Variants in ROBO2 observed in about 807,000 individuals in gnomAD.
ROBO2 encodes roundabout guidance receptor 2, also known as roundabout homolog 2.
Under a neutral mutation model 160.8 loss-of-function variants are expected in ROBO2, and 53 were observed. The ratio of observed to expected loss-of-function variants is 0.33; its 90% CI spans 0.26 to 0.41. The LOEUF (loss-of-function observed/expected upper bound fraction) is 0.41, where lower values mean the gene tolerates loss of function less well. Ranked by LOEUF, ROBO2 falls within the 10% of genes least tolerant of loss-of-function variation. The pLI is 1.00. For synonymous variants in ROBO2, 664 were observed against 611.7 expected (o/e 1.09, Z -1.26); for missense variants, 1,577 against 1,722.4 (o/e 0.92, Z 1.49).
At chr3:76,840,527 T>G (rs1576978620) in intron 2 of ROBO2, among the ~76,000 whole-genome samples, 1 of 151,226 alleles carries the variant, frequency 6.6e-6, no homozygotes, top group Non-Finnish European at 1.5e-5. Context: ...GGAGAATCGC[T>G]TGAACCCAGA....
At chr3:77,366,707 T>G (rs2153473291) in intron 2 of ROBO2, among the ~76,000 whole-genome samples, 1 of 152,082 alleles carries the variant, frequency 6.6e-6, no homozygotes, top group East Asian at 1.9e-4. Context: ...CTGCTTCCAC[T>G]TATGGCAGAA....
At chr3:76,427,312 A>G (rs2076261305) in intron 2 of ROBO2, among the ~76,000 whole-genome samples, 1 of 152,066 alleles carries the variant, frequency 6.6e-6, no homozygotes, top group Admixed American at 6.6e-5. Flanking sequence ...GACCATAGGA[A>G]GTGGGGGAAG....
intron 2 of ROBO2, among the ~76,000 whole-genome samples, chr3:77,193,296 G>C (rs1414796649): frequency 6.6e-6 from 1 of 151,716 alleles, no homozygotes; most frequent in African/African-American, 2.4e-5. Context: ...AAAATTTAGA[G>C]ATAAGGTCTT....
intron 2 of ROBO2, among the ~76,000 whole-genome samples, chr3:76,064,478 C>T (rs568337767): frequency 2.6e-5 from 4 of 152,082 alleles, no homozygotes; most frequent in African/African-American, 9.7e-5. Flanking sequence ...GTTCCACTCT[C>T]ATTAGAGAAT....
chr3:76,334,799 G>A (rs2073751946), intron 2 of ROBO2, among the ~76,000 whole-genome samples: 1 of 152,134 alleles, frequency 6.6e-6, no homozygotes, highest in Admixed American at 6.5e-5. Context: ...AGCAGACCTG[G>A]TAATCCTTTG....
At chr3:76,623,500 C>T (rs1211328409) in intron 2 of ROBO2, among the ~76,000 whole-genome samples, 2 of 152,136 alleles carry the variant, frequency 1.3e-5, no homozygotes, top group African/African-American at 4.8e-5. Flanking sequence ...GGACCAAGTC[C>T]TTAAGTATTT....
At chr3:77,075,672 CTTTTTTTTTTTTT>C (rs1174587812) in intron 1 of ROBO2, among the ~76,000 whole-genome samples, 4 of 87,260 alleles carry the variant, frequency 4.6e-5, no homozygotes, top group Non-Finnish European at 6.1e-5. Context: ...TTTCTTTCTC[CTTTTTTTTTTTTT>C]TTTTTTTTTT....
At chr3:77,020,109 G>C (rs888040267) in intron 2 of ROBO2, among the ~76,000 whole-genome samples, 1 of 152,152 alleles carries the variant, frequency 6.6e-6, no homozygotes. Context: ...AGGGGACATG[G>C]GTTTTTAAAA....
chr3:76,930,788 CT>C (rs1174957827), intron 2 of ROBO2, among the ~76,000 whole-genome samples: 1 of 152,174 alleles, frequency 6.6e-6, no homozygotes. Flanking sequence ...TTTCTTTCAC[CT>C]TTTTGTTCTG....
chr3:77,544,501 G>A (rs1264490591), intron 6 of ROBO2, among the ~76,000 whole-genome samples: 2 of 151,988 alleles, frequency 1.3e-5, no homozygotes, highest in Non-Finnish European at 2.9e-5. Context: ...ACTAGGAGGC[G>A]GTATAATAGA....
At position 75,944,886 on chromosome 3, in the gene ROBO2, A is replaced by C. The variant is rs569203347; in HGVS notation, c.109+7284A>C. Reference sequence around the variant, plus strand: ...CTTTTCTCCACCTAGTTATCTTCCTACTTTCTGTCCTTTAACTCAGATATC... The same window carrying C: ...CTTTTCTCCACCTAGTTATCTTCCTCCTTTCTGTCCTTTAACTCAGATATC... On this transcript the variant is annotated intron_variant, in intron 2 of 26. Transcript: ENST00000487694. 7.3e-3 allele frequency among the ~76,000 whole-genome samples: 1,108 copies of C among 152,000 alleles called. 16 individuals carry two copies. The highest frequency in any genetic ancestry group is 0.026 in the African/African-American group (1,078 of 41,460).
intron 2 of ROBO2, among the ~76,000 whole-genome samples, chr3:77,264,365 C>T (rs1485861231): frequency 1.3e-5 from 2 of 152,136 alleles, no homozygotes; most frequent in African/African-American, 2.4e-5. Flanking sequence ...GAATCCATCT[C>T]GGCTTCTTTG....
At chr3:76,012,575 A>T (rs1043607620) in intron 2 of ROBO2, among the ~76,000 whole-genome samples, 1 of 151,586 alleles carries the variant, frequency 6.6e-6, no homozygotes, top group Admixed American at 6.6e-5. Context: ...TTGCTCTATC[A>T]TCATGGATCG....
intron 2 of ROBO2, among the ~76,000 whole-genome samples, chr3:77,288,248 G>A (rs1324279419): frequency 6.6e-6 from 1 of 152,172 alleles, no homozygotes; most frequent in Non-Finnish European, 1.5e-5. Flanking sequence ...AAATGTGTTT[G>A]GAAAGGATGA....
intron 2 of ROBO2, among the ~76,000 whole-genome samples, chr3:76,025,979 C>G (rs539975863): frequency 1.2e-4 from 18 of 151,990 alleles, no homozygotes; most frequent in Non-Finnish European, 2.4e-4. Flanking sequence ...TGAAATTTCT[C>G]TTTGTCTAAA....
intron 2 of ROBO2, among the ~76,000 whole-genome samples, chr3:76,532,571 C>A (rs2082286610): frequency 6.6e-6 from 1 of 152,140 alleles, no homozygotes; most frequent in East Asian, 1.9e-4. Context: ...TTTGACCTTG[C>A]CACTTTATAT....
At chr3:76,925,744 G>A (rs2076953310) in intron 2 of ROBO2, among the ~76,000 whole-genome samples, 1 of 152,120 alleles carries the variant, frequency 6.6e-6, no homozygotes, top group Non-Finnish European at 1.5e-5. Context: ...AGCCACCTAG[G>A]AAAGAGAACT....
chr3:76,878,198 C>T (rs1166843288), intron 2 of ROBO2, among the ~76,000 whole-genome samples: 1 of 152,020 alleles, frequency 6.6e-6, no homozygotes, highest in African/African-American at 2.4e-5. Context: ...CAAAAAAAAC[C>T]TTATAAAAAT....
chr3:76,006,464 C>T (rs778853545), intron 2 of ROBO2, among the ~76,000 whole-genome samples: 1 of 152,062 alleles, frequency 6.6e-6, no homozygotes, highest in Non-Finnish European at 1.5e-5. Flanking sequence ...GATCAGCATT[C>T]GGTAAAGGGA....
Sources: allele counts gnomAD v4.1 joint callset (sites outside exome capture counted in the v4.1 genomes callset), GRCh38; gene constraint gnomAD v4.1.1; transcripts MANE v1.5; gene names NCBI Gene and HGNC (gene_info 2026-07-23, HGNC 2026-07-21).